The following HS6ST3 variants were observed in gnomAD, a reference collection of about 807,000 sequenced individuals.
HS6ST3 encodes heparan-sulfate 6-O-sulfotransferase 3.
In HS6ST3, 12 loss-of-function variants were observed where a neutral mutation model predicts 36.7. The ratio of observed to expected loss-of-function variants is 0.33; its 90% confidence interval spans 0.21 to 0.53. The LOEUF (loss-of-function observed/expected upper bound fraction) is 0.53. Among genes scored for constraint, HS6ST3 ranks in the 20% least tolerant of loss-of-function variants. HS6ST3 has a pLI of 0.95. For synonymous variants in HS6ST3, 240 were observed against 257.5 expected (o/e 0.93, Z 0.65); for missense variants, 584 against 640.9 (o/e 0.91, Z 0.96).
At chr13:96,110,201 C>T (rs1240743412) in intron 1 of HS6ST3, among the ~76,000 whole-genome samples, 1 of 151,970 alleles carries the variant, frequency 6.6e-6, no homozygotes, top group African/African-American at 2.4e-5. Context: ...TGGAAGAAGG[C>T]AAAGGAGGAG....
At chr13:96,203,041 T>G (rs2139352506) in intron 1 of HS6ST3, among the ~76,000 whole-genome samples, 1 of 152,324 alleles carries the variant, frequency 6.6e-6, no homozygotes, top group South Asian at 2.1e-4. Flanking sequence ...ACTCATTTAC[T>G]CATTCATGTT....
At chr13:96,678,303 G>A (rs947437650) in intron 1 of HS6ST3, among the ~76,000 whole-genome samples, 2 of 152,110 alleles carry the variant, frequency 1.3e-5, no homozygotes, top group Non-Finnish European at 1.5e-5. Context: ...TTGTTTTGGG[G>A]ATTAAGTTTC....
At chr13:96,370,723 C>T (rs2055285493) in intron 1 of HS6ST3, among the ~76,000 whole-genome samples, 1 of 152,108 alleles carries the variant, frequency 6.6e-6, no homozygotes, top group Non-Finnish European at 1.5e-5. Context: ...ACCAGCCTGG[C>T]CAACATGGCG....
At chr13:96,532,020 A>G (rs544446277) in intron 1 of HS6ST3, among the ~76,000 whole-genome samples, 2 of 152,300 alleles carry the variant, frequency 1.3e-5, no homozygotes, top group Admixed American at 1.3e-4. Flanking sequence ...GTGTTAGACA[A>G]GTAACAGCAG....
chr13:96,206,904 G>T (rs888337506), intron 1 of HS6ST3, among the ~76,000 whole-genome samples: 1 of 152,144 alleles, frequency 6.6e-6, no homozygotes, highest in Non-Finnish European at 1.5e-5. Flanking sequence ...CATGGGCAAA[G>T]ATTTCATGAT....
At chr13:96,491,976 A>G (rs1336366143) in intron 1 of HS6ST3, among the ~76,000 whole-genome samples, 1 of 152,070 alleles carries the variant, frequency 6.6e-6, no homozygotes, top group Admixed American at 6.6e-5. Flanking sequence ...TACCCCACTT[A>G]GTGGTTGTTT....
chr13:96,773,216 T>C (rs1452689234), intron 1 of HS6ST3, among the ~76,000 whole-genome samples: 1 of 152,098 alleles, frequency 6.6e-6, no homozygotes, highest in Non-Finnish European at 1.5e-5. Flanking sequence ...GGGCCCTGGG[T>C]TTCAAGAACA....
Position 96,658,268 on chromosome 13 carries a change from C to CTTTTTTTTT in HS6ST3, c.708-174200_708-174192dup, listed in dbSNP as rs71213623. 1.1e-3 allele frequency among the ~76,000 whole-genome samples: 86 copies of CTTTTTTTTT among 76,150 alleles called. 1 individual carries two copies. Among genetic ancestry groups the CTTTTTTTTT allele is most frequent in the African/African-American group, 3.8e-3 (71 of 18,498 alleles). 50.0% of individuals were successfully genotyped at this position (76,150 alleles called of 152,430 possible). On this transcript the variant is annotated intron_variant, in intron 1 of 1. Transcript: ENST00000376705. Reference sequence around the variant, plus strand: ...TTCTTCTTCTTCTTCTCTTCTTCTTCTTTTTTTTTTTTTTTTTTTTTTTTT... The same window carrying CTTTTTTTTT: ...TTCTTCTTCTTCTTCTCTTCTTCTTCTTTTTTTTTTTTTTTTTTTTTTTTTTTTTTTTTT...
intron 1 of HS6ST3, among the ~76,000 whole-genome samples, chr13:96,515,318 C>T (rs1374353315): frequency 6.6e-6 from 1 of 152,190 alleles, no homozygotes; most frequent in Non-Finnish European, 1.5e-5. Context: ...AGGAGACTTT[C>T]TAAGTCCAAA....
At chr13:96,542,538 C>T (rs1262387238) in intron 1 of HS6ST3, among the ~76,000 whole-genome samples, 2 of 152,160 alleles carry the variant, frequency 1.3e-5, no homozygotes. Context: ...AACTTGTTCT[C>T]ATATTACTCC....
intron 1 of HS6ST3, among the ~76,000 whole-genome samples, chr13:96,095,424 T>TTC (rs1201685659): frequency 6.6e-6 from 1 of 152,252 alleles, no homozygotes; most frequent in Non-Finnish European, 1.5e-5. Context: ...TTAGTTTTGT[T>TTC]AGAATAGTTT....
intron 1 of HS6ST3, among the ~76,000 whole-genome samples, chr13:96,672,088 G>A (rs1349636205): frequency 2.0e-5 from 3 of 151,990 alleles, no homozygotes; most frequent in African/African-American, 7.2e-5. Flanking sequence ...TAAATACCAT[G>A]CTCAGACTGC....
At chr13:96,826,400 T>C (rs1878648105) in intron 1 of HS6ST3, among the ~76,000 whole-genome samples, 1 of 152,234 alleles carries the variant, frequency 6.6e-6, no homozygotes, top group South Asian at 2.1e-4. Context: ...GTAGTGATAA[T>C]GTTCTTTTAC....
At chr13:96,222,493 C>T (rs2139363248) in intron 1 of HS6ST3, among the ~76,000 whole-genome samples, 1 of 152,330 alleles carries the variant, frequency 6.6e-6, no homozygotes, top group African/African-American at 2.4e-5. Flanking sequence ...AACGAGGTAA[C>T]AAGATCAGCA....
intron 1 of HS6ST3, among the ~76,000 whole-genome samples, chr13:96,814,197 CT>C (rs998486323): frequency 2.6e-5 from 4 of 152,052 alleles, no homozygotes; most frequent in Admixed American, 2.0e-4. Context: ...TATTAGAATG[CT>C]TTTTCAAATA....
intron 1 of HS6ST3, among the ~76,000 whole-genome samples, chr13:96,769,588 G>T (rs1024584618): frequency 6.6e-6 from 1 of 151,342 alleles, no homozygotes; most frequent in Admixed American, 6.6e-5. Context: ...TAATCAATTG[G>T]TAATTATTAA....
intron 1 of HS6ST3, among the ~76,000 whole-genome samples, chr13:96,320,134 A>G (rs1002346116): frequency 6.6e-6 from 1 of 152,192 alleles, no homozygotes; most frequent in Non-Finnish European, 1.5e-5. Context: ...TGGAGAGTTC[A>G]TGTGCAGCTT....
intron 1 of HS6ST3, among the ~76,000 whole-genome samples, chr13:96,095,362 A>G (rs1389361041): frequency 6.6e-6 from 1 of 152,252 alleles, no homozygotes; most frequent in African/African-American, 2.4e-5. Flanking sequence ...TTCTATCTGC[A>G]TCATTTTGTA....
intron 1 of HS6ST3, among the ~76,000 whole-genome samples, chr13:96,651,682 C>T (rs557414984): frequency 3.3e-5 from 5 of 152,180 alleles, no homozygotes; most frequent in Admixed American, 1.3e-4. Flanking sequence ...CATAAAACTC[C>T]CTCCTTTCTC....
Sources: gnomAD v4.1 joint callset for allele counts (sites outside exome capture counted in the v4.1 genomes callset) on GRCh38, gnomAD v4.1.1 for gene constraint, MANE v1.5 for transcripts, NCBI Gene and HGNC (gene_info 2026-07-23, HGNC 2026-07-21) for gene names.